Variants in NOL4 observed in about 807,000 individuals in gnomAD.
NOL4 encodes cancer/testis antigen 125.
A neutral mutation model predicts 75.9 loss-of-function variants in NOL4; 17 were observed. The ratio of observed to expected loss-of-function variants is 0.22; its 90% CI spans 0.15 to 0.34. NOL4 has a LOEUF of 0.34. Among genes scored for constraint, NOL4 ranks in the 10% least tolerant of loss-of-function variants. The pLI, the probability that NOL4 is intolerant of heterozygous loss-of-function variation, is 1.00. For missense variants in NOL4, 614 were observed against 793.5 expected (o/e 0.77, Z 2.72); for synonymous variants, 292 against 289.9 (o/e 1.01, Z -0.07).
At chr18:34,007,879 C>T (rs911053874) in intron 6 of NOL4, among the ~76,000 whole-genome samples, 6 of 151,718 alleles carry the variant, frequency 4.0e-5, no homozygotes, top group East Asian at 3.9e-4. Flanking sequence ...ATATGGGTGC[C>T]GAGTTAATAA....
At chr18:34,183,430 T>C (rs541658538) in intron 1 of NOL4, 27 of 152,008 alleles carry the variant, frequency 1.8e-4, no homozygotes, top group African/African-American at 5.1e-4. Flanking sequence ...CACTATACGT[T>C]GCTAGTGTGA....
intron 5 of NOL4, among the ~76,000 whole-genome samples, chr18:34,023,199 A>G (rs2075142688): frequency 6.6e-6 from 1 of 152,238 alleles, no homozygotes; most frequent in African/African-American, 2.4e-5. Flanking sequence ...ATCCAAATTT[A>G]AAACAAAGTT....
At chr18:33,987,940 A>AC (rs2072593923) in intron 6 of NOL4, among the ~76,000 whole-genome samples, 1 of 151,880 alleles carries the variant, frequency 6.6e-6, no homozygotes, top group Non-Finnish European at 1.5e-5. Flanking sequence ...CACCCTCCCC[A>AC]CTCCACATAC....
At chr18:34,187,822 C>T (rs2034608718) in intron 1 of NOL4, among the ~76,000 whole-genome samples, 2 of 152,020 alleles carry the variant, frequency 1.3e-5, no homozygotes, top group Admixed American at 6.6e-5. Context: ...TTATGTAGAC[C>T]TATGTTTTTC....
chr18:34,211,806 A>T (rs1182640471), intron 1 of NOL4, among the ~76,000 whole-genome samples: 1 of 152,160 alleles, frequency 6.6e-6, no homozygotes, highest in African/African-American at 2.4e-5. Flanking sequence ...AATAAAATCA[A>T]CGTAGAGAGG....
intron 6 of NOL4, among the ~76,000 whole-genome samples, chr18:34,002,418 C>T (rs1419760110): frequency 1.3e-5 from 2 of 152,040 alleles, no homozygotes; most frequent in Admixed American, 1.3e-4. Context: ...CCTACGCATT[C>T]TTTAGTTTCC....
intron 6 of NOL4, among the ~76,000 whole-genome samples, chr18:34,011,373 T>A (rs1226979960): frequency 6.6e-6 from 1 of 151,856 alleles, no homozygotes; most frequent in African/African-American, 2.4e-5. Flanking sequence ...TTTATAACTC[T>A]ATGAGTCTAG....
chr18:33,912,769 G>A (rs1411810123), intron 9 of NOL4, among the ~76,000 whole-genome samples: 5 of 152,006 alleles, frequency 3.3e-5, no homozygotes, highest in Non-Finnish European at 7.4e-5. Flanking sequence ...TGTGACCTAA[G>A]ATGACATTAT....
At chr18:33,992,021 ATCT>A (rs2072958917) in intron 6 of NOL4, among the ~76,000 whole-genome samples, 1 of 148,266 alleles carries the variant, frequency 6.7e-6, no homozygotes, top group Non-Finnish European at 1.5e-5. Flanking sequence ...ATGTGCATAG[ATCT>A]TCTTTAAATG....
At chr18:34,049,074 GCACA>G (rs1163959249) in intron 5 of NOL4, among the ~76,000 whole-genome samples, 11,224 of 64,128 alleles carry the variant, frequency 0.18, 539 homozygotes, top group Middle Eastern at 0.31. Context: ...ACAGGCGCGC[GCACA>G]CACACACACA....
chr18:33,978,890 T>C (rs932872231), intron 6 of NOL4, among the ~76,000 whole-genome samples: 3 of 152,050 alleles, frequency 2.0e-5, no homozygotes, highest in African/African-American at 7.2e-5. Flanking sequence ...ATTGAATCCA[T>C]TGATGTAGAA....
chr18:33,920,882 G>T lies in NOL4; in HGVS notation c.1542+22183C>A, dbSNP rs149202096. On this transcript the variant is annotated intron_variant, in intron 9 of 10. Coordinates refer to ENST00000261592, the MANE Select transcript of NOL4 (RefSeq NM_003787.5). The stretch of plus-strand genomic sequence containing the variant: ...GGGCAAAGCAATGAGCCCAGAGGTT[G>T]AGGCCAGCCAGCTGGACATCATTGG... 3.0e-3 allele frequency among the ~76,000 whole-genome samples: 463 copies of T among 152,338 alleles called. 3 individuals carry two copies. The highest frequency in any genetic ancestry group is 0.014 in the Middle Eastern group (4 of 294).
rs2075042547 is a variant in NOL4 at position 34,021,620 on chromosome 18, G to C, written c.773-2019C>G. 2.0e-5 allele frequency among the ~76,000 whole-genome samples: 3 copies of C among 152,072 alleles called. No individual in the cohort carries two copies. The South Asian group carries it at 6.2e-4, about 32-fold the overall frequency. On this transcript the variant is annotated intron_variant, in intron 5 of 10. Coordinates refer to ENST00000261592, the MANE Select transcript of NOL4 (RefSeq NM_003787.5). ...CTGACTCTGATGAGGAGAATGGTAT[G>C]AAGGGGCAAAATGGAAGTTGGGGAG...
In NOL4 at chr18:34,019,339, C is replaced by T. The variant is rs772687644; in HGVS notation, c.1035G>A (p.Glu345=). 6.2e-6 allele frequency: 10 copies of T among 1,613,584 alleles called. No individual in the cohort carries two copies. The highest frequency in any genetic ancestry group is 1.7e-5 in the Admixed American group (1 of 60,002). Residue 345 remains glutamate, a synonymous_variant, in exon 6 of 11, where the codon GAG becomes GAA. Coordinates refer to ENST00000261592, the MANE Select transcript of NOL4 (RefSeq NM_003787.5). ...LLISDLKMER[E]ARENGSKSPA... ...ATACCTTGCTTCCATTTTCTCTCGC[C>T]TCTCGTTCCATCTTGAGGTCAGAAA...
At chr18:34,159,937 T>A (rs1264187380) in intron 1 of NOL4, among the ~76,000 whole-genome samples, 1 of 152,086 alleles carries the variant, frequency 6.6e-6, no homozygotes, top group Non-Finnish European at 1.5e-5. Context: ...AGTTGTCAGC[T>A]GGCCATATCC....
intron 9 of NOL4, among the ~76,000 whole-genome samples, chr18:33,934,862 GT>G (rs869081039): frequency 0.044 from 5,228 of 118,276 alleles, 55 homozygotes; most frequent in East Asian, 0.063. Flanking sequence ...GGAGTAGCAC[GT>G]TTTTTTTTTT....
At chr18:33,886,695 C>G (rs151338212) in intron 9 of NOL4, among the ~76,000 whole-genome samples, 342 of 147,016 alleles carry the variant, frequency 2.3e-3, no homozygotes, top group African/African-American at 7.8e-3. Flanking sequence ...GATGGCTAGC[C>G]CATTCTCCAT....
At chr18:34,104,847 C>T (rs927572264) in intron 3 of NOL4, among the ~76,000 whole-genome samples, 2 of 151,878 alleles carry the variant, frequency 1.3e-5, no homozygotes, top group Admixed American at 6.6e-5. Flanking sequence ...TTTGCCACAG[C>T]TGAAACTGTC....
chr18:33,881,999 C>T (rs2144663204), intron 10 of NOL4, among the ~76,000 whole-genome samples: 1 of 152,230 alleles, frequency 6.6e-6, no homozygotes, highest in Non-Finnish European at 1.5e-5. Context: ...ACTGGCTAGC[C>T]ATATGTAGAA....
Sources: gnomAD v4.1 joint callset for allele counts (sites outside exome capture counted in the v4.1 genomes callset) on GRCh38, gnomAD v4.1.1 for gene constraint, MANE v1.5 for transcripts, NCBI Gene and HGNC (gene_info 2026-07-23, HGNC 2026-07-21) for gene names.